Variants in MYO7A observed in about 807,000 individuals in gnomAD.
The protein encoded by MYO7A is myosin VIIA.
In MYO7A, 210 loss-of-function variants were observed where a neutral mutation model predicts 263.8. The ratio of observed to expected loss-of-function variants is 0.80; its 90% CI spans 0.71 to 0.89. MYO7A has a LOEUF of 0.89. MYO7A is among the 40% of genes least tolerant of loss of function. The probability of loss-of-function intolerance (pLI) is 0.00; values close to 1 mark genes in which losing one functional copy is unlikely to be tolerated. For missense variants in MYO7A, 2,820 were observed against 2,968.3 expected, an observed-to-expected ratio of 0.95 and a Z score of 1.16; for synonymous variants, 1,239 against 1,197.3, an observed-to-expected ratio of 1.03 and a Z score of -0.72.
Position 77,212,142 on chromosome 11 carries a change from G to A in MYO7A, c.6354+205G>A, listed in dbSNP as rs780702357. On this transcript the variant is annotated intron_variant, in intron 46 of 48. Transcript: ENST00000409709. ...GGACAGAGGGACCAGAAGAAGCTCA[G>A]CCTGGCAGTGGAGGCAGACATGTAA... is the stretch of plus-strand genomic sequence containing the variant. The A allele has an allele frequency of 4.4e-6, 3 of 678,978 alleles. No homozygotes were observed. The South Asian group carries it at 4.5e-5, about 10-fold the overall frequency. 42.1% of individuals were successfully genotyped at this position (678,978 alleles called of 1,614,324 possible).
intron 46 of MYO7A, 126 bp from the exon 47 acceptor site, chr11:77,212,826 C>A: frequency 1.3e-6 from 1 of 777,580 alleles, no homozygotes; most frequent in Non-Finnish European, 2.2e-6. Context: ...ATGGCAGGGC[C>A]GTCAGTACCA....
intron 42 of MYO7A, among the ~76,000 whole-genome samples, chr11:77,207,928 C>T (rs1957566904): frequency 6.6e-6 from 1 of 152,202 alleles, no homozygotes; most frequent in South Asian, 2.1e-4. Context: ...CTTCCAGGCC[C>T]AGCTAAAGAC....
chr11:77,178,251 A>ATCCC (rs1555081348), intron 19 of MYO7A, among the ~76,000 whole-genome samples: 1 of 149,524 alleles, frequency 6.7e-6, no homozygotes, highest in African/African-American at 2.5e-5. Context: ...CCATCCATCC[A>ATCCC]CCCGCCCACA....
chr11:77,132,600 T>C (rs1555046340), intron 2 of MYO7A, among the ~76,000 whole-genome samples: 1 of 152,166 alleles, frequency 6.6e-6, no homozygotes, highest in Non-Finnish European at 1.5e-5. Context: ...GCAATTCTCC[T>C]GCCTCAGCCT....
intron 27 of MYO7A, among the ~76,000 whole-genome samples, chr11:77,188,005 G>A (rs946571568): frequency 2.6e-5 from 4 of 152,224 alleles, no homozygotes; most frequent in Non-Finnish European, 4.4e-5. Flanking sequence ...TGCTGCAGGC[G>A]TGTCTCAGGG....
At chr11:77,167,087 GA>G (rs1217454729) in intron 15 of MYO7A, among the ~76,000 whole-genome samples, 2 of 152,356 alleles carry the variant, frequency 1.3e-5, no homozygotes, top group East Asian at 3.9e-4. Flanking sequence ...TGAGACTCGG[GA>G]AAAGGGCTGG....
At chr11:77,153,921 G>T (rs1952205555) in intron 4 of MYO7A, among the ~76,000 whole-genome samples, 1 of 152,216 alleles carries the variant, frequency 6.6e-6, no homozygotes, top group Non-Finnish European at 1.5e-5. Context: ...GCTGTGTGGG[G>T]ATCATGGGCC....
chr11:77,157,298 A>G lies in MYO7A; in HGVS notation c.755A>G (p.Tyr252Cys), dbSNP rs2135244093. Residue 252 changes from tyrosine to cysteine, a missense_variant, in exon 8 of 49, where the codon TAC becomes TGC. Transcript: ENST00000409709. ...VCRQALDERNYHVFYCMLEGM... is the reference protein window; with the variant it reads ...VCRQALDERNCHVFYCMLEGM... ...TTTCAGGCCCTGGATGAAAGGAACT[A>G]CCACGTGTTCTACTGCATGCTGGAG... 1 of 1,611,206 alleles carries G rather than the reference A, an allele frequency of 6.2e-7. No homozygotes were observed. Among genetic ancestry groups the G allele is most frequent in the Non-Finnish European group, 8.5e-7 (1 of 1,178,672 alleles).
chr11:77,129,977 GCCCGGGC>G (rs1950721679), intron 1 of MYO7A, among the ~76,000 whole-genome samples: 1 of 152,118 alleles, frequency 6.6e-6, no homozygotes, highest in Admixed American at 6.5e-5. Context: ...GCGGGCCCGG[GCCCGGGC>G]CCAGGCCCAG....
intron 15 of MYO7A, among the ~76,000 whole-genome samples, chr11:77,166,439 G>C (rs1953555944): frequency 6.6e-6 from 1 of 152,168 alleles, no homozygotes; most frequent in South Asian, 2.1e-4. Context: ...GGTTTACTGT[G>C]GGGGTTCACC....
chr11:77,172,832 T>C lies in MYO7A; in HGVS notation c.1882T>C (p.Cys628Arg). The C allele has an allele frequency of 6.4e-7, 1 of 1,552,548 alleles. No homozygotes were observed. Among genetic ancestry groups the C allele is most frequent in the East Asian group, 2.4e-5 (1 of 40,960 alleles). ...GCTGCTGATGCGCACGCTGGGTGCC[T>C]GCCAGCCCTTCTTTGTGCGATGCAT... ...LELLMRTLGA[C>R]QPFFVRCIKP... is the part of the protein sequence containing the mutation. Residue 628 changes from cysteine (C) to arginine (R), a missense_variant, in exon 16 of 49, where the codon TGC (cysteine) becomes CGC (arginine). By Grantham distance (180) the Cys-to-Arg change is radical. Transcript: ENST00000409709.
At chr11:77,163,803 T>G (rs1402097794) in intron 14 of MYO7A, among the ~76,000 whole-genome samples, 2 of 142,966 alleles carry the variant, frequency 1.4e-5, no homozygotes, top group Non-Finnish European at 3.0e-5. Context: ...GATAAACCTT[T>G]TGTTTATCCA....
chr11:77,161,996 G>T, intron 12 of MYO7A, 124 bp from the exon 13 acceptor site: 1 of 888,158 alleles, frequency 1.1e-6, no homozygotes, highest in Non-Finnish European at 1.7e-6. Context: ...CCTCGCCTCT[G>T]AGTTTGGAGT....
At chr11:77,180,002 AG>A in intron 21 of MYO7A, 49 bp downstream of exon 21, 1 of 1,479,868 alleles carries the variant, frequency 6.8e-7, no homozygotes, top group Non-Finnish European at 9.0e-7. Context: ...CTGGGCGAGG[AG>A]TGTCCATGCA....
In MYO7A at chr11:77,138,984, AAG is replaced by A. The variant is rs1951041002; in HGVS notation, c.19-3722_19-3721del. Among the ~76,000 whole-genome samples, 1 of 152,206 alleles carries A rather than the reference AAG, an allele frequency of 6.6e-6. No homozygotes were observed. The highest frequency in any genetic ancestry group is 6.5e-5 in the Admixed American group (1 of 15,284). On this transcript the variant is annotated intron_variant, in intron 2 of 48. Coordinates refer to ENST00000409709, the MANE Select transcript of MYO7A (RefSeq NM_000260.4). The surrounding 1 kb of genome is among the most constrained non-coding windows in gnomAD (Gnocchi z 4.9). ...CCCCAGGCCTGGTCCCAGAGGAAGG[AAG>A]AGGCAGAAAGGGCTAAGGCCCTGTG... is the stretch of plus-strand genomic sequence containing the variant.
chr11:77,206,377 G>A (rs773239035), intron 41 of MYO7A, among the ~76,000 whole-genome samples, 175 bp downstream of exon 41: 2 of 152,164 alleles, frequency 1.3e-5, no homozygotes, highest in African/African-American at 2.4e-5. Context: ...CCAGGTCAGG[G>A]GCCCTTGGTT....
chr11:77,156,689 G>A lies in MYO7A; in HGVS notation c.500G>A (p.Ser167Asn). The A allele has an allele frequency of 6.2e-7, 1 of 1,613,990 alleles. No individual in the cohort carries two copies. Among genetic ancestry groups the A allele is most frequent in the Non-Finnish European group, 8.5e-7 (1 of 1,179,898 alleles). The stretch of plus-strand genomic sequence containing the variant: ...GAATCTGGGGCCGGGAAGACGGAGA[G>A]CACAAAGCTGATCCTGCAGTTCCTG... ...SGESGAGKTE[S>N]TKLILQFLAA... The change falls in exon 6 of 49, where the codon AGC (serine) becomes AAC (asparagine). Residue 167 changes from serine to asparagine, a missense_variant. Transcript: ENST00000409709.
At chr11:77,212,634 A>G in intron 46 of MYO7A, 1 of 444,844 alleles carries the variant, frequency 2.2e-6, no homozygotes, top group Non-Finnish European at 4.1e-6. Flanking sequence ...AGGCCTTTTG[A>G]GGAGCTTGGC....
In MYO7A at chr11:77,175,465, GTGAGCAC is replaced by G. The variant is rs1416744060; in HGVS notation, c.2187+2_2187+8del. 1.2e-6 allele frequency: 2 copies of G among 1,612,952 alleles called. No homozygotes were observed. Among genetic ancestry groups the G allele is most frequent in the East Asian group, 4.5e-5 (2 of 44,890 alleles). On this transcript the variant is annotated splice_donor_variant and splice_donor_5th_base_variant and intron_variant, in intron 18 of 48. Transcript: ENST00000409709. LOFTEE classifies it high-confidence loss of function. The stretch of plus-strand genomic sequence containing the variant: ...AGGCAAAACCAAGATCTTTCTGAAG[GTGAGCAC>G]AGATGCCTTCCCTGGGCTGCCCTGG...
Sources: allele counts gnomAD v4.1 joint callset (sites outside exome capture counted in the v4.1 genomes callset), GRCh38; gene constraint gnomAD v4.1.1; non-coding constraint Gnocchi (gnomAD v3.1); transcripts MANE v1.5; gene names NCBI Gene and HGNC (gene_info 2026-07-23, HGNC 2026-07-21).